KAZN: variants seen among roughly 807,000 people sequenced by gnomAD.
The protein encoded by KAZN is kazrin, periplakin interacting protein, also known as kazrin.
A neutral mutation model predicts 87.4 loss-of-function variants in KAZN; 40 were observed. The ratio of observed to expected loss-of-function variants is 0.46; its 90% CI spans 0.36 to 0.60. KAZN has a LOEUF of 0.60. Among genes scored for constraint, KAZN ranks in the 20% least tolerant of loss-of-function variants. The pLI is 0.00. For missense variants in KAZN, 898 were observed against 1,073.9 expected (o/e 0.84, Z 2.29); for synonymous variants, 466 against 458.3 (o/e 1.02, Z -0.22).
chr1:14,760,166 G>A (rs1333453722), intron 1 of KAZN, among the ~76,000 whole-genome samples: 1 of 152,008 alleles, frequency 6.6e-6, no homozygotes, highest in African/African-American at 2.4e-5. Flanking sequence ...TGCTCGCCTG[G>A]CTTCCCTTCC....
intron 2 of KAZN, among the ~76,000 whole-genome samples, chr1:14,438,279 G>A (rs1400694154): frequency 6.6e-6 from 1 of 152,126 alleles, no homozygotes; most frequent in African/African-American, 2.4e-5. Context: ...CCCAATGCTG[G>A]GGATATGTCA....
At chr1:14,383,163 G>A (rs1192913188) in intron 2 of KAZN, among the ~76,000 whole-genome samples, 2 of 151,934 alleles carry the variant, frequency 1.3e-5, no homozygotes, top group South Asian at 2.1e-4. Flanking sequence ...TTTTGATGGG[G>A]TTGTTTTTTT....
chr1:14,988,939 G>A (rs970473362), intron 2 of KAZN, among the ~76,000 whole-genome samples: 5 of 152,206 alleles, frequency 3.3e-5, no homozygotes, highest in South Asian at 2.1e-4. Context: ...GGAGGTCCTC[G>A]CACATGACCT....
intron 1 of KAZN, among the ~76,000 whole-genome samples, chr1:14,172,952 A>T (rs1049470413): frequency 2.6e-5 from 4 of 152,082 alleles, no homozygotes; most frequent in Non-Finnish European, 4.4e-5. Context: ...CAGACTTCTT[A>T]TATGGCAGCT....
At chr1:14,388,709 TAC>T (rs1662164555) in intron 2 of KAZN, among the ~76,000 whole-genome samples, 1 of 152,050 alleles carries the variant, frequency 6.6e-6, no homozygotes, top group Admixed American at 6.6e-5. Context: ...CAAGAAGAAT[TAC>T]AGACTTAAAT....
At chr1:14,421,126 GCTA>G (rs1303901118) in intron 2 of KAZN, among the ~76,000 whole-genome samples, 1 of 152,238 alleles carries the variant, frequency 6.6e-6, no homozygotes, top group Non-Finnish European at 1.5e-5. Flanking sequence ...TATAGCTAGA[GCTA>G]CTACTACATC....
In KAZN at chr1:14,960,669, G is replaced by T; in HGVS notation, c.227-15G>T. ...AGACGTTCCTGTCCTCTAACCCTGT[G>T]CCCTTCTCCCCTAGTGCTCCTGCGG... On this transcript the variant is annotated splice_polypyrimidine_tract_variant and intron_variant, in intron 1 of 14. Transcript: ENST00000376030. 1 of 1,556,522 alleles carries T rather than the reference G, an allele frequency of 6.4e-7. No homozygotes were observed. Among genetic ancestry groups the T allele is most frequent in the Non-Finnish European group, 8.7e-7 (1 of 1,149,370 alleles).
intron 2 of KAZN, among the ~76,000 whole-genome samples, chr1:14,201,023 C>G (rs16853785): frequency 0.04 from 6,019 of 152,250 alleles, 184 homozygotes; most frequent in East Asian, 0.098. Context: ...CGCATGGCCT[C>G]TCCTGGTGCA....
At chr1:14,674,246 C>T (rs1044813986) in intron 1 of KAZN, among the ~76,000 whole-genome samples, 6 of 152,212 alleles carry the variant, frequency 3.9e-5, no homozygotes, top group African/African-American at 1.4e-4. Context: ...TGAAAGTCAA[C>T]AGCAGAACTG....
chr1:14,837,710 C>A (rs1473926332), intron 1 of KAZN, among the ~76,000 whole-genome samples: 1 of 151,620 alleles, frequency 6.6e-6, no homozygotes. Flanking sequence ...TGCCACCACC[C>A]CTGGATAATT....
At chr1:14,298,389 G>A (rs1654287136) in intron 2 of KAZN, among the ~76,000 whole-genome samples, 1 of 152,070 alleles carries the variant, frequency 6.6e-6, no homozygotes, top group East Asian at 1.9e-4. Flanking sequence ...ACTCAAGATG[G>A]CTTGTGTATA....
chr1:14,506,781 C>T (rs1474202047), intron 2 of KAZN, among the ~76,000 whole-genome samples: 1 of 152,164 alleles, frequency 6.6e-6, no homozygotes, highest in Non-Finnish European at 1.5e-5. Context: ...AGAAATAAAA[C>T]TGTGTGTATG....
chr1:14,635,917 A>G (rs1415555536), intron 1 of KAZN, among the ~76,000 whole-genome samples: 1 of 152,150 alleles, frequency 6.6e-6, no homozygotes, highest in African/African-American at 2.4e-5. Context: ...TCAGTTCTAA[A>G]CACATTGACT....
At chr1:15,089,334 C>T (rs1166908657) in intron 8 of KAZN, among the ~76,000 whole-genome samples, 2 of 152,112 alleles carry the variant, frequency 1.3e-5, no homozygotes, top group African/African-American at 4.8e-5. Context: ...CCACCCTCAC[C>T]TCACTGAGAG....
chr1:15,028,055 T>A (rs906904659), intron 2 of KAZN, among the ~76,000 whole-genome samples: 5 of 150,950 alleles, frequency 3.3e-5, no homozygotes, highest in African/African-American at 1.2e-4. Context: ...GCTTTTGTGT[T>A]GTCTCGGTCT....
At chr1:13,946,001 C>T (rs748776895) in intron 1 of KAZN, among the ~76,000 whole-genome samples, 1 of 152,162 alleles carries the variant, frequency 6.6e-6, no homozygotes, top group Non-Finnish European at 1.5e-5. Context: ...CCAAGAACTG[C>T]CAGATGGCAG....
In KAZN at chr1:14,577,510, C is replaced by T. The variant is rs559634638; in HGVS notation, c.250-21473C>T. ...GTGAGAAGTAGCTTTGGAGGGCTGTCGGGGCTGGCTTCCAAGGGTAATATT... is the reference window on the plus strand; with the variant it reads ...GTGAGAAGTAGCTTTGGAGGGCTGTTGGGGCTGGCTTCCAAGGGTAATATT... On this transcript the variant is annotated intron_variant, in intron 2 of 16. Coordinates refer to the KAZN transcript ENST00000636203. Among the ~76,000 whole-genome samples, 5 of 152,224 alleles carry T rather than the reference C, an allele frequency of 3.3e-5. 1 individual carries two copies. In the South Asian group the frequency reaches 8.3e-4, roughly 25 times the overall value.
Position 14,354,695 on chromosome 1 carries a change from C to T in KAZN, c.249+174103C>T, listed in dbSNP as rs1658864467. On this transcript the variant is annotated intron_variant, in intron 2 of 16. Coordinates refer to the KAZN transcript ENST00000636203. ...ACACACACACACACACACAAACAAA[C>T]CTGACAATGCCAAATGTTGGCAAGG... Among the ~76,000 whole-genome samples, 3 of 141,342 alleles carry T rather than the reference C, an allele frequency of 2.1e-5. No homozygotes were observed. In the East Asian group the frequency reaches 6.3e-4, roughly 30 times the overall value. The allele number at this position is 141,342 out of a possible 152,430, so 92.7% of individuals were successfully genotyped here. A position where few individuals can be genotyped will look rare whatever the true frequency, so the allele number is the denominator to read the frequency against.
chr1:14,917,873 T>TTC (rs35574873), intron 1 of KAZN, among the ~76,000 whole-genome samples: 743 of 53,406 alleles, frequency 0.014, 3 homozygotes, highest in South Asian at 0.033. Context: ...TTCCTTCCTT[T>TTC]CTTTCTTTCT....
Sources: allele counts gnomAD v4.1 joint callset (sites outside exome capture counted in the v4.1 genomes callset), GRCh38; gene constraint gnomAD v4.1.1; transcripts MANE v1.5; gene names NCBI Gene and HGNC (gene_info 2026-07-23, HGNC 2026-07-21).